The following RALGPS1 variants were observed in gnomAD, a reference collection of about 807,000 sequenced individuals.
RALGPS1 encodes the protein ras-specific guanine nucleotide-releasing factor RalGPS1.
RALGPS1 carries 19 observed loss-of-function variants against 78.8 expected under a neutral mutation model. That is an observed-to-expected ratio of 0.24 (90% CI 0.17 to 0.35). The LOEUF (loss-of-function observed/expected upper bound fraction) is 0.35, where lower values mean the gene tolerates loss of function less well. Ranked by LOEUF, RALGPS1 falls within the 10% of genes least tolerant of loss-of-function variation. The probability of loss-of-function intolerance (pLI) is 1.00; values close to 1 mark genes in which losing one functional copy is unlikely to be tolerated. For synonymous variants in RALGPS1, 228 were observed against 256.3 expected, an observed-to-expected ratio of 0.89 and a Z score of 1.06; for missense variants, 454 against 688.3, an observed-to-expected ratio of 0.66 and a Z score of 3.81.
At chr9:127,191,932 T>C (rs886207357) in intron 11 of RALGPS1, among the ~76,000 whole-genome samples, 4 of 151,984 alleles carry the variant, frequency 2.6e-5, no homozygotes, top group African/African-American at 7.3e-5. Context: ...CTCCTGACCT[T>C]GTGATCTGCC....
intron 8 of RALGPS1, among the ~76,000 whole-genome samples, chr9:127,075,107 T>A (rs1169109783): frequency 2.0e-5 from 3 of 152,154 alleles, no homozygotes; most frequent in Non-Finnish European, 4.4e-5. Context: ...CTTGATCACC[T>A]CATCTCAGCT....
chr9:126,981,357 C>G (rs1263497889), intron 4 of RALGPS1, among the ~76,000 whole-genome samples: 1 of 152,192 alleles, frequency 6.6e-6, no homozygotes, highest in Non-Finnish European at 1.5e-5. Flanking sequence ...TAAAGCCCTC[C>G]CTGCCATGGG....
chr9:127,042,338 C>T (rs751899883), intron 5 of RALGPS1, among the ~76,000 whole-genome samples: 7 of 151,972 alleles, frequency 4.6e-5, no homozygotes, highest in South Asian at 2.1e-4. Context: ...GGTTATGCTC[C>T]GGGTGTGTTT....
At chr9:127,213,089 T>C (rs752993088) in intron 17 of RALGPS1, 40 bp downstream of exon 17, 4 of 1,613,364 alleles carry the variant, frequency 2.5e-6, no homozygotes, top group Non-Finnish European at 3.4e-6. Flanking sequence ...AGCTGCTCTC[T>C]GCCCATTTCC....
At chr9:127,131,360 G>A (rs1378273599) in intron 8 of RALGPS1, among the ~76,000 whole-genome samples, 1 of 152,150 alleles carries the variant, frequency 6.6e-6, no homozygotes, top group African/African-American at 2.4e-5. Context: ...TCAATATTGG[G>A]TACTCACAGG....
At chr9:126,976,422 AC>A (rs2040654503) in intron 3 of RALGPS1, among the ~76,000 whole-genome samples, 4 of 60,070 alleles carry the variant, frequency 6.7e-5, no homozygotes, top group South Asian at 1.1e-3. Context: ...CCATATACTC[AC>A]ACACACACAC....
chr9:127,204,513 G>A (rs2061825893), intron 14 of RALGPS1, among the ~76,000 whole-genome samples: 1 of 152,060 alleles, frequency 6.6e-6, no homozygotes, highest in African/African-American at 2.4e-5. Context: ...GGGAAGAAAA[G>A]TTTCCTCAAA....
chr9:127,210,657 C>A (rs572547830), intron 14 of RALGPS1: 9 of 1,481,352 alleles, frequency 6.1e-6, no homozygotes, highest in South Asian at 1.2e-5. Context: ...TCTGGTCTTT[C>A]AAAGCTGTTG....
chr9:126,965,933 G>A lies in RALGPS1; in HGVS notation c.147G>A (p.Val49=). 6.2e-7 allele frequency: 1 copy of A among 1,614,066 alleles called. No homozygotes were observed. The highest frequency in any genetic ancestry group is 8.5e-7 in the Non-Finnish European group (1 of 1,179,944). The change falls in exon 3 of 19, where the codon GTG becomes GTA. Residue 49 remains valine (V), a synonymous_variant. Coordinates refer to ENST00000259351, the MANE Select transcript of RALGPS1 (RefSeq NM_014636.3). ...CCGTTGTCTTCGATGTCTTGAAAGT[G>A]ACCCCAGAGGAGTTTGCTGTAAGTG... The part of the protein sequence containing the change: ...YDAVVFDVLK[V]TPEEFASQIT...
At chr9:127,064,385 T>A (rs2049489510) in intron 7 of RALGPS1, among the ~76,000 whole-genome samples, 1 of 152,238 alleles carries the variant, frequency 6.6e-6, no homozygotes. Context: ...TAAATGCTGT[T>A]ATTTTCTGAG....
In RALGPS1 at chr9:127,212,976, C is replaced by T. The variant is rs867175340; in HGVS notation, c.1479C>T (p.Ile493=). 1 of 1,614,174 alleles carries T rather than the reference C, an allele frequency of 6.2e-7. No homozygotes were observed. Among genetic ancestry groups the T allele is most frequent in the Non-Finnish European group, 8.5e-7 (1 of 1,180,028 alleles). ...YKSTPGKKVS[I]VGWMVQLPDD... is the part of the protein sequence containing the mutation. ...CCACACCTGGCAAAAAGGTTTCCAT[C>T]GTGGGCTGGATGGTGCAGCTGCCCG... is the stretch of plus-strand genomic sequence containing the variant. The change falls in exon 17 of 19, where the codon ATC becomes ATT. Residue 493 remains isoleucine (I), a synonymous_variant. Transcript: ENST00000259351. The surrounding 1 kb of genome is among the most constrained non-coding windows in gnomAD (Gnocchi z 6.0).
intron 8 of RALGPS1, among the ~76,000 whole-genome samples, chr9:127,077,778 G>T (rs1403448314): frequency 6.6e-6 from 1 of 152,112 alleles, no homozygotes; most frequent in African/African-American, 2.4e-5. Context: ...GTTGTTGCTT[G>T]GTGCCTCAGC....
intron 8 of RALGPS1, among the ~76,000 whole-genome samples, chr9:127,149,711 G>A (rs1332153031): frequency 1.3e-5 from 2 of 152,224 alleles, no homozygotes; most frequent in Non-Finnish European, 2.9e-5. Context: ...CCCAGCCATG[G>A]CCAGGAGGTT....
chr9:127,136,121 A>G (rs937838195), intron 8 of RALGPS1, among the ~76,000 whole-genome samples: 1 of 152,190 alleles, frequency 6.6e-6, no homozygotes, highest in African/African-American at 2.4e-5. Context: ...CAGTGACCCC[A>G]GGTTGTGAGT....
At chr9:127,137,891 C>G (rs987425178) in intron 8 of RALGPS1, among the ~76,000 whole-genome samples, 2 of 152,168 alleles carry the variant, frequency 1.3e-5, no homozygotes, top group African/African-American at 4.8e-5. Flanking sequence ...TCTCTGAGCC[C>G]AGGTCCCTCA....
At chr9:126,977,848 A>G (rs920759183) in intron 4 of RALGPS1, 103 bp downstream of exon 4, 5 of 774,144 alleles carry the variant, frequency 6.5e-6, no homozygotes, top group Non-Finnish European at 1.1e-5. Flanking sequence ...TGCAGGCTCT[A>G]TAAATGCATG....
At chr9:127,010,805 G>A (rs965891096) in intron 4 of RALGPS1, among the ~76,000 whole-genome samples, 3 of 152,208 alleles carry the variant, frequency 2.0e-5, no homozygotes, top group Non-Finnish European at 2.9e-5. Context: ...GTCAGATGTG[G>A]GGACACTTGG....
intron 4 of RALGPS1, among the ~76,000 whole-genome samples, chr9:127,008,774 G>T (rs1008803315): frequency 2.0e-5 from 3 of 152,148 alleles, no homozygotes; most frequent in African/African-American, 7.2e-5. Flanking sequence ...GAAAATAATT[G>T]TACCCACTTC....
intron 7 of RALGPS1, among the ~76,000 whole-genome samples, chr9:127,065,253 A>G (rs2049587535): frequency 6.6e-6 from 1 of 152,126 alleles, no homozygotes; most frequent in African/African-American, 2.4e-5. Flanking sequence ...AGCTGGGATT[A>G]CAGGCGCACA....
Sources: allele counts gnomAD v4.1 joint callset (sites outside exome capture counted in the v4.1 genomes callset), GRCh38; gene constraint gnomAD v4.1.1; non-coding constraint Gnocchi (gnomAD v3.1); transcripts MANE v1.5; gene names NCBI Gene and HGNC (gene_info 2026-07-23, HGNC 2026-07-21).